TLE1: variants seen among roughly 807,000 people sequenced by gnomAD.
TLE1 encodes the protein transducin-like enhancer protein 1.
Under a neutral mutation model 89.8 loss-of-function variants are expected in TLE1, and 21 were observed. The ratio of observed to expected loss-of-function variants is 0.23; its 90% CI spans 0.17 to 0.34. The LOEUF (loss-of-function observed/expected upper bound fraction) is 0.34, where lower values mean the gene tolerates loss of function less well. Among genes scored for constraint, TLE1 ranks in the 10% least tolerant of loss-of-function variants. The probability of loss-of-function intolerance (pLI) is 1.00; values close to 1 mark genes in which losing one functional copy is unlikely to be tolerated. For synonymous variants in TLE1, 447 were observed against 407.6 expected, an observed-to-expected ratio of 1.10 and a Z score of -1.16; for missense variants, 795 against 1,031.2, an observed-to-expected ratio of 0.77 and a Z score of 3.14.
chr9:81,585,474 C>T (rs780989156), intron 18 of TLE1, 31 bp downstream of exon 18: 14 of 1,596,130 alleles, frequency 8.8e-6, no homozygotes, highest in South Asian at 7.8e-5. Flanking sequence ...GGGCCATCAA[C>T]GGCCTCCAGT....
At chr9:81,645,000 CAAAAAAAAAAA>C (rs150421441) in intron 6 of TLE1, among the ~76,000 whole-genome samples, 2 of 64,894 alleles carry the variant, frequency 3.1e-5, no homozygotes, top group Non-Finnish European at 5.4e-5. Context: ...GACACTGTCT[CAAAAAAAAAAA>C]AAAAAAAAAA....
intron 6 of TLE1, among the ~76,000 whole-genome samples, chr9:81,651,341 G>A (rs938227444): frequency 2.0e-5 from 3 of 152,138 alleles, no homozygotes; most frequent in Non-Finnish European, 2.9e-5. Flanking sequence ...GTCCTGCAGT[G>A]GGGGGCGGAG....
At chr9:81,611,612 T>G (rs1208387010) in intron 13 of TLE1, 157 bp downstream of exon 13, 1 of 308,094 alleles carries the variant, frequency 3.2e-6, no homozygotes, top group South Asian at 1.3e-4. Context: ...GGAAGGTGAG[T>G]GTGTGGCTGG....
intron 8 of TLE1, among the ~76,000 whole-genome samples, chr9:81,621,961 T>C (rs1307965812): frequency 2.0e-5 from 3 of 152,284 alleles, no homozygotes; most frequent in African/African-American, 4.8e-5. Context: ...CAATTCAATA[T>C]AGAGAAGCTC....
At chr9:81,613,740 G>C (rs544741590) in intron 11 of TLE1, among the ~76,000 whole-genome samples, 11 of 152,086 alleles carry the variant, frequency 7.2e-5, no homozygotes, top group Admixed American at 1.3e-4. Flanking sequence ...CACAGAACAT[G>C]ATCACACTTC....
chr9:81,586,823 T>C (rs748719984), intron 17 of TLE1, among the ~76,000 whole-genome samples: 3 of 152,224 alleles, frequency 2.0e-5, no homozygotes, highest in Non-Finnish European at 2.9e-5. Flanking sequence ...ATCCTGCTTA[T>C]GTTGGGAAAG....
At chr9:81,635,773 C>G (rs1489894019) in intron 6 of TLE1, among the ~76,000 whole-genome samples, 1 of 152,186 alleles carries the variant, frequency 6.6e-6, no homozygotes, top group Non-Finnish European at 1.5e-5. Flanking sequence ...AGTTCCCAGC[C>G]TCAAAAGTTA....
At chr9:81,650,983 G>C (rs1829460016) in intron 6 of TLE1, among the ~76,000 whole-genome samples, 1 of 152,128 alleles carries the variant, frequency 6.6e-6, no homozygotes, top group Non-Finnish European at 1.5e-5. Flanking sequence ...TTCAAGCTGA[G>C]GCTCATTCTT....
Position 81,587,798 on chromosome 9 carries a change from G to A in TLE1, c.1860C>T (p.Ser620=), listed in dbSNP as rs761610320. The change falls in exon 17 of 20, where the codon AGC becomes AGT. Residue 620 remains serine, a synonymous_variant. Coordinates refer to ENST00000376499, the MANE Select transcript of TLE1 (RefSeq NM_005077.5). ...RQFQGHTDGA[S]CIDISNDGTK... Reference sequence around the variant, plus strand: ...TGCCATCATTAGAAATGTCAATACAGCTGGCTCCGTCTGTGTGGCCCTGGA... The same window carrying A: ...TGCCATCATTAGAAATGTCAATACAACTGGCTCCGTCTGTGTGGCCCTGGA... 87 of 1,614,034 alleles carry A rather than the reference G, an allele frequency of 5.4e-5. No homozygotes were observed. Among genetic ancestry groups the A allele is most frequent in the Non-Finnish European group, 7.1e-5 (84 of 1,180,044 alleles).
chr9:81,656,576 T>C (rs1429715267), intron 4 of TLE1, among the ~76,000 whole-genome samples: 2 of 152,210 alleles, frequency 1.3e-5, no homozygotes, highest in African/African-American at 4.8e-5. Flanking sequence ...GATTTTAGGA[T>C]ACCATCATTC....
intron 5 of TLE1, among the ~76,000 whole-genome samples, chr9:81,653,378 A>C (rs779546298): frequency 2.0e-5 from 3 of 152,212 alleles, no homozygotes; most frequent in African/African-American, 2.4e-5. Context: ...GCTAAAATAC[A>C]ATAGTCTTGA....
chr9:81,600,076 G>A (rs562199901), intron 14 of TLE1: 59 of 737,956 alleles, frequency 8.0e-5, no homozygotes, highest in East Asian at 2.0e-4. Context: ...TCAATTACAC[G>A]TTTCCAAACT....
At chr9:81,637,389 T>A (rs572072687) in intron 6 of TLE1, among the ~76,000 whole-genome samples, 1 of 152,296 alleles carries the variant, frequency 6.6e-6, no homozygotes, top group East Asian at 1.9e-4. Context: ...GGGTAGTAGA[T>A]TCTGATATCT....
At chr9:81,624,494 A>G (rs1413729139) in intron 8 of TLE1, among the ~76,000 whole-genome samples, 2 of 152,198 alleles carry the variant, frequency 1.3e-5, no homozygotes, top group East Asian at 1.9e-4. Flanking sequence ...TTAATCTACC[A>G]AACAGGATTC....
intron 4 of TLE1, among the ~76,000 whole-genome samples, chr9:81,669,994 C>G (rs898320520): frequency 2.0e-5 from 3 of 152,164 alleles, no homozygotes; most frequent in African/African-American, 4.8e-5. Context: ...TGTTCCCAGA[C>G]GGGCTTTAAG....
At chr9:81,587,980 A>G (rs1271985810) in intron 16 of TLE1, 152 bp from the exon 17 acceptor site, 2 of 754,830 alleles carry the variant, frequency 2.6e-6, no homozygotes, top group Non-Finnish European at 3.8e-6. Flanking sequence ...GCAAGATCAA[A>G]CTAACCTTCC....
intron 4 of TLE1, among the ~76,000 whole-genome samples, chr9:81,654,434 G>A (rs1054393689): frequency 2.0e-5 from 3 of 152,042 alleles, no homozygotes; most frequent in African/African-American, 4.8e-5. Context: ...TCTGCCTCCC[G>A]GGTTCACACC....
At chr9:81,657,508 G>C (rs1480485005) in intron 4 of TLE1, among the ~76,000 whole-genome samples, 1 of 152,118 alleles carries the variant, frequency 6.6e-6, no homozygotes, top group Non-Finnish European at 1.5e-5. Context: ...TTACTACCTA[G>C]AATGGCATCA....
chr9:81,644,025 T>C lies in TLE1; in HGVS notation c.372+8189A>G, dbSNP rs146097247. Among the ~76,000 whole-genome samples, 79 of 152,202 alleles carry C rather than the reference T, an allele frequency of 5.2e-4. No individual in the cohort carries two copies. In the East Asian group the frequency reaches 0.012, roughly 22 times the overall value. ...TCAACATCATCAGCCATCAGGAAAA[T>C]GCAAATCAAAAACGGGAGATGCGGC... On this transcript the variant is annotated intron_variant, in intron 6 of 19. Coordinates refer to ENST00000376499, the MANE Select transcript of TLE1 (RefSeq NM_005077.5).
Sources: allele counts gnomAD v4.1 joint callset (sites outside exome capture counted in the v4.1 genomes callset), GRCh38; gene constraint gnomAD v4.1.1; transcripts MANE v1.5; gene names NCBI Gene and HGNC (gene_info 2026-07-23, HGNC 2026-07-21).